TPST2: variants seen among roughly 807,000 people sequenced by gnomAD.
TPST2 encodes tyrosylprotein sulfotransferase 2.
In TPST2, 16 loss-of-function variants were observed where a neutral mutation model predicts 27.8. The ratio of observed to expected loss-of-function variants is 0.58; its 90% CI spans 0.39 to 0.88. TPST2 has a LOEUF of 0.88. Among genes scored for constraint, TPST2 ranks in the 40% least tolerant of loss-of-function variants. TPST2 has a pLI of 0.00. For missense variants in TPST2, 464 were observed against 543.1 expected (o/e 0.85, Z 1.45); for synonymous variants, 229 against 231.7 (o/e 0.99, Z 0.10).
At chr22:26,534,325 A>G (rs950316517) in intron 4 of TPST2, among the ~76,000 whole-genome samples, 2 of 152,216 alleles carry the variant, frequency 1.3e-5, no homozygotes, top group Admixed American at 6.5e-5. Context: ...TTTTCTTTGC[A>G]GTAACAGCCA....
intron 4 of TPST2, among the ~76,000 whole-genome samples, chr22:26,535,560 C>T (rs1925406993): frequency 6.6e-6 from 1 of 152,216 alleles, no homozygotes; most frequent in South Asian, 2.1e-4. Flanking sequence ...AGGGGCATCC[C>T]TTACGGCCAG....
chr22:26,568,242 G>C (rs1022900520), intron 1 of TPST2, among the ~76,000 whole-genome samples: 6 of 152,198 alleles, frequency 3.9e-5, no homozygotes, highest in Non-Finnish European at 8.8e-5. Context: ...GAACAAGCCA[G>C]AACCTTACGC....
At chr22:26,554,828 C>T (rs1248964073) in intron 1 of TPST2, among the ~76,000 whole-genome samples, 1 of 152,220 alleles carries the variant, frequency 6.6e-6, no homozygotes, top group African/African-American at 2.4e-5. Context: ...ATCCCAGCTA[C>T]TTGGGAGGCT....
intron 6 of TPST2, among the ~76,000 whole-genome samples, chr22:26,527,788 C>T (rs1309733900): frequency 6.6e-6 from 1 of 152,210 alleles, no homozygotes; most frequent in Non-Finnish European, 1.5e-5. Flanking sequence ...GGGGGTTATT[C>T]TTAGAACAGA....
At chr22:26,542,258 A>AT (rs71192938) in intron 2 of TPST2, among the ~76,000 whole-genome samples, 2 of 149,836 alleles carry the variant, frequency 1.3e-5, no homozygotes, top group African/African-American at 4.9e-5. Flanking sequence ...AAAAAAAAAA[A>AT]GGCTGGAGTG....
chr22:26,589,217 G>C (rs1466892570), intron 1 of TPST2, among the ~76,000 whole-genome samples: 3 of 152,152 alleles, frequency 2.0e-5, no homozygotes, highest in Non-Finnish European at 2.9e-5. Context: ...AAGGGGGCAA[G>C]AGGTTAGGCA....
At chr22:26,577,607 C>T (rs1927906167) in intron 1 of TPST2, among the ~76,000 whole-genome samples, 1 of 150,752 alleles carries the variant, frequency 6.6e-6, no homozygotes, top group African/African-American at 2.4e-5. Context: ...CCTTGGCCTC[C>T]CAAAGTGCTG....
rs148460389 is a variant in TPST2, at chr22:26,540,917, G to A, written c.714C>T (p.Tyr238=). Residue 238 remains tyrosine (Y), a synonymous_variant, in exon 3 of 7, where the codon TAC becomes TAT. Transcript: ENST00000338754. ...VGKEKCLPVY[Y]EQLVLHPRRS... ...GCCTGGGGTGCAGCACCAGCTGCTCGTAGTACACAGGCAGGCACTTCTCCT... is the reference window on the plus strand; with the variant it reads ...GCCTGGGGTGCAGCACCAGCTGCTCATAGTACACAGGCAGGCACTTCTCCT... The A allele has an allele frequency of 3.5e-5, 56 of 1,614,084 alleles. No individual in the cohort carries two copies. Among genetic ancestry groups the A allele is most frequent in the African/African-American group, 1.6e-4 (12 of 74,942 alleles).
chr22:26,542,324 A>G (rs1925909221), intron 2 of TPST2, among the ~76,000 whole-genome samples: 2 of 151,384 alleles, frequency 1.3e-5, no homozygotes, highest in African/African-American at 4.9e-5. Context: ...GGGCTCAAGC[A>G]ATCCTCTGCC....
intron 1 of TPST2, among the ~76,000 whole-genome samples, chr22:26,547,110 G>C (rs1926165029): frequency 6.6e-6 from 1 of 152,014 alleles, no homozygotes; most frequent in Admixed American, 6.6e-5. Flanking sequence ...TGTTGAGATG[G>C]GGTCTCACTC....
chr22:26,587,913 T>C (rs1928404744), intron 1 of TPST2, among the ~76,000 whole-genome samples: 1 of 151,896 alleles, frequency 6.6e-6, no homozygotes, highest in Non-Finnish European at 1.5e-5. Context: ...GGCAACATAG[T>C]GGGACCCCTA....
In TPST2 at chr22:26,540,996, G is replaced by A; in HGVS notation, c.635C>T (p.Thr212Ile). 1 of 1,614,192 alleles carries A rather than the reference G, an allele frequency of 6.2e-7. No homozygotes were observed. The change falls in exon 3 of 7, where the codon ACC becomes ATC. Residue 212 changes from threonine (T) to isoleucine (I), a missense_variant. Physicochemically the swap from Thr to Ile is moderately conservative, Grantham distance 89. Transcript: ENST00000338754. Reference protein sequence around the residue: ...FDLSSYRDCLTKWNKAIEVMY... With the variant: ...FDLSSYRDCLIKWNKAIEVMY... ...CACCTCGATGGCCTTGTTCCACTTG[G>A]TGAGGCAGTCACGGTAGCTGCTGAG... is the stretch of plus-strand genomic sequence containing the variant.
At chr22:26,536,163 C>G (rs1168817937) in intron 4 of TPST2, 125 bp downstream of exon 4, 1 of 1,243,986 alleles carries the variant, frequency 8.0e-7, no homozygotes, top group South Asian at 1.3e-5. Flanking sequence ...GTCCATCAGA[C>G]AGGAACAAAT....
intron 5 of TPST2, 115 bp downstream of exon 5, chr22:26,532,580 T>A: frequency 8.3e-7 from 1 of 1,206,154 alleles, no homozygotes; most frequent in Non-Finnish European, 1.2e-6. Context: ...ATCCCCCTTT[T>A]TATAATGGGA....
At chr22:26,532,372 C>T (rs1428329625) in intron 5 of TPST2, among the ~76,000 whole-genome samples, 1 of 152,202 alleles carries the variant, frequency 6.6e-6, no homozygotes, top group Non-Finnish European at 1.5e-5. Flanking sequence ...CCTCTGCCTC[C>T]CAGGGTCAAG....
At chr22:26,538,639 T>C (rs1220144416) in intron 3 of TPST2, among the ~76,000 whole-genome samples, 2 of 152,056 alleles carry the variant, frequency 1.3e-5, no homozygotes, top group Non-Finnish European at 2.9e-5. Flanking sequence ...CTGGCCAACA[T>C]GGCAAAACCC....
intron 1 of TPST2, among the ~76,000 whole-genome samples, chr22:26,568,621 G>A (rs1927469351): frequency 1.3e-5 from 2 of 151,912 alleles, no homozygotes; most frequent in South Asian, 4.2e-4. Context: ...CACCACCAGC[G>A]CCATGACGTT....
chr22:26,527,870 G>A (rs1001662232), intron 6 of TPST2, among the ~76,000 whole-genome samples: 1 of 152,188 alleles, frequency 6.6e-6, no homozygotes. Context: ...AAGCCAGACT[G>A]GCAGACAGCA....
chr22:26,527,887 G>A (rs1249799068), intron 6 of TPST2, among the ~76,000 whole-genome samples: 1 of 152,188 alleles, frequency 6.6e-6, no homozygotes, highest in African/African-American at 2.4e-5. Flanking sequence ...AGCATTCTGT[G>A]CAAAAATGGT....
Sources: gnomAD v4.1 joint callset for allele counts (sites outside exome capture counted in the v4.1 genomes callset) on GRCh38, gnomAD v4.1.1 for gene constraint, MANE v1.5 for transcripts, NCBI Gene and HGNC (gene_info 2026-07-23, HGNC 2026-07-21) for gene names.